The following ARGFX variants were observed in gnomAD, a reference collection of about 807,000 sequenced individuals.
ARGFX encodes the protein arginine-fifty homeobox.
In ARGFX, 10 loss-of-function variants were observed where a neutral mutation model predicts 8.0. The observed-to-expected ratio is 1.25, with a 90% CI of 0.77 to 2.12. The LOEUF is 2.12. Among genes scored for constraint, ARGFX ranks in the 30% most tolerant of loss-of-function variants. The pLI, the probability that ARGFX is intolerant of heterozygous loss-of-function variation, is 0.00. For synonymous variants in ARGFX, 116 were observed against 117.8 expected, an observed-to-expected ratio of 0.98 and a Z score of 0.10; for missense variants, 282 against 324.3, an observed-to-expected ratio of 0.87 and a Z score of 1.00.
chr3:121,580,606 A>ATATATATT (rs1227697987), intron 3 of ARGFX, among the ~76,000 whole-genome samples: 1 of 115,194 alleles, frequency 8.7e-6, no homozygotes, highest in African/African-American at 3.2e-5. Flanking sequence ...ATATATATAT[A>ATATATATT]TTTTTTTTTT....
Position 121,586,760 on chromosome 3 carries a change from A to G in ARGFX, c.*160A>G. The G allele has an allele frequency of 1.5e-6, 1 of 667,462 alleles. No individual in the cohort carries two copies. Among genetic ancestry groups the G allele is most frequent in the Non-Finnish European group, 2.5e-6 (1 of 403,580 alleles). 41.3% of individuals were successfully genotyped at this position (667,462 alleles called of 1,614,324 possible). A position where few individuals can be genotyped will look rare whatever the true frequency, so the allele number is the denominator to read the frequency against. On this transcript the variant is annotated 3_prime_UTR_variant, in exon 5 of 5. Transcript: ENST00000334384. Reference sequence around the variant, plus strand: ...AAGAGTTTTCCAAGTAGAGCTGGGCACTACGTAATCAGCCCCACAAGTCTC... The same window carrying G: ...AAGAGTTTTCCAAGTAGAGCTGGGCGCTACGTAATCAGCCCCACAAGTCTC...
At chr3:121,568,396 A>G (rs656656) in intron 1 of ARGFX, among the ~76,000 whole-genome samples, 149,262 of 152,328 alleles carry the variant, frequency 0.98, 73,197 homozygotes, top group East Asian at 1. Flanking sequence ...ATTTGTAGGA[A>G]GAAGGCAATA....
chr3:121,570,807 GC>G lies in ARGFX; in HGVS notation c.95del (p.Ala32ValfsTer38). On this transcript the variant is annotated frameshift_variant, in exon 2 of 5. Coordinates refer to ENST00000334384, the MANE Select transcript of ARGFX (RefSeq NM_001012659.2). LOFTEE classifies it high-confidence loss of function. ...GAAGGTGATACCACCACAGGATCCA[GC>G]TAGTCCCAGTGAGTATCATCCTTCT... ...NMKVIPPQDPASPSFTLLSKL... is the reference protein window; with the variant it reads ...NMKVIPPQDPXSPSFTLLSKL... 1 of 1,599,916 alleles carries G rather than the reference GC, an allele frequency of 6.3e-7. No homozygotes were observed. The highest frequency in any genetic ancestry group is 1.1e-5 in the South Asian group (1 of 88,338).
intron 2 of ARGFX, among the ~76,000 whole-genome samples, chr3:121,574,972 G>A (rs1359227636): frequency 1.3e-5 from 2 of 152,212 alleles, no homozygotes; most frequent in Non-Finnish European, 2.9e-5. Context: ...AGTCATTGCT[G>A]TTTCACACAA....
intron 1 of ARGFX, among the ~76,000 whole-genome samples, chr3:121,569,105 T>C (rs1354500367): frequency 6.6e-6 from 1 of 152,208 alleles, no homozygotes; most frequent in East Asian, 1.9e-4. Flanking sequence ...AAAAAAATTG[T>C]GAGACCAATG....
rs869249692 is a variant in ARGFX, at chr3:121,577,259, ATT to A, written c.220+371_220+372del. ...TATATATATATATATATATATATAT[ATT>A]TTTTTTTTTTTAAATGGAGTCTCAC... On this transcript the variant is annotated intron_variant, in intron 3 of 4. Coordinates refer to ENST00000334384, the MANE Select transcript of ARGFX (RefSeq NM_001012659.2). Among the ~76,000 whole-genome samples, 336 of 59,432 alleles carry A rather than the reference ATT, an allele frequency of 5.7e-3. 7 individuals carry two copies. Among genetic ancestry groups the A allele is most frequent in the Middle Eastern group, 0.025 (2 of 80 alleles). 39.0% of individuals were successfully genotyped at this position (59,432 alleles called of 152,430 possible). A position where few individuals can be genotyped will look rare whatever the true frequency, so the allele number is the denominator to read the frequency against.
chr3:121,584,719 G>A (rs1453737321), intron 3 of ARGFX, among the ~76,000 whole-genome samples, 198 bp from the exon 4 acceptor site: 4 of 152,198 alleles, frequency 2.6e-5, no homozygotes, highest in Non-Finnish European at 5.9e-5. Context: ...AGAAAGCGGA[G>A]GACAGAGCAT....
In ARGFX at chr3:121,587,525, C is replaced by T. The variant is rs527843083; in HGVS notation, c.*925C>T. The stretch of plus-strand genomic sequence containing the variant: ...TTAAAAACACTTTTTTTCAAGGAAA[C>T]CGAAGAAACCATCATCCACTTTTCT... On this transcript the variant is annotated 3_prime_UTR_variant, in exon 5 of 5. Coordinates refer to ENST00000334384, the MANE Select transcript of ARGFX (RefSeq NM_001012659.2). 9.9e-5 allele frequency among the ~76,000 whole-genome samples: 15 copies of T among 152,218 alleles called. No homozygotes were observed. The highest frequency in any genetic ancestry group is 3.4e-3 in the Middle Eastern group (1 of 294).
Position 121,586,129 on chromosome 3 carries a change from C to A in ARGFX, c.477C>A (p.Pro159=). The A allele has an allele frequency of 1.9e-6, 3 of 1,613,742 alleles. No individual in the cohort carries two copies. The highest frequency in any genetic ancestry group is 2.5e-6 in the Non-Finnish European group (3 of 1,179,914). ...CCAAGAAGAATGTGCCCACCTCCCCCAGAACATCCCCCAGTCCTTATGCTT... is the reference window on the plus strand; with the variant it reads ...CCAAGAAGAATGTGCCCACCTCCCCAAGAACATCCCCCAGTCCTTATGCTT... The part of the protein sequence containing the change: ...LPSKKNVPTS[P]RTSPSPYAFS... The change falls in exon 5 of 5, where the codon CCC becomes CCA. Residue 159 remains proline, a synonymous_variant. Transcript: ENST00000334384.
intron 3 of ARGFX, among the ~76,000 whole-genome samples, chr3:121,577,199 ATG>A (rs1160659118): frequency 9.4e-6 from 1 of 106,340 alleles, no homozygotes; most frequent in African/African-American, 3.4e-5. Flanking sequence ...GTATGTGTGT[ATG>A]TATATATATA....
At position 121,585,078 on chromosome 3, in the gene ARGFX, G is replaced by C. The variant is rs375696119; in HGVS notation, c.369+13G>C. On this transcript the variant is annotated intron_variant, in intron 4 of 4. Transcript: ENST00000334384. Reference sequence around the variant, plus strand: ...GTCAACAGTAAAGGTCTGATCCCCTGTGGTGTGCTTGGTACCCCCATCCAA... The same window carrying C: ...GTCAACAGTAAAGGTCTGATCCCCTCTGGTGTGCTTGGTACCCCCATCCAA... The C allele has an allele frequency of 1.9e-6, 3 of 1,612,900 alleles. No homozygotes were observed. The African/African-American group carries it at 4.0e-5, about 22-fold the overall frequency.
rs1409615369 is a variant in ARGFX, at chr3:121,587,521, GA to G, written c.*924del. Among the ~76,000 whole-genome samples the G allele has an allele frequency of 1.3e-5, 2 of 152,038 alleles. No individual in the cohort carries two copies. Among genetic ancestry groups the G allele is most frequent in the African/African-American group, 4.8e-5 (2 of 41,400 alleles). ...TAGTTTAAAAACACTTTTTTTCAAG[GA>G]AACCGAAGAAACCATCATCCACTTT... On this transcript the variant is annotated 3_prime_UTR_variant, in exon 5 of 5. Coordinates refer to ENST00000334384, the MANE Select transcript of ARGFX (RefSeq NM_001012659.2).
In ARGFX at chr3:121,586,623, T is replaced by A; in HGVS notation, c.*23T>A. On this transcript the variant is annotated 3_prime_UTR_variant, in exon 5 of 5. Transcript: ENST00000334384. ...TGACCAGAGTACTAATAAATATAGATCATTTAGAAAAGTGGTCTTCTTGCC... is the reference window on the plus strand; with the variant it reads ...TGACCAGAGTACTAATAAATATAGAACATTTAGAAAAGTGGTCTTCTTGCC... The A allele has an allele frequency of 1.3e-6, 2 of 1,564,962 alleles. No homozygotes were observed. The highest frequency in any genetic ancestry group is 1.7e-6 in the Non-Finnish European group (2 of 1,152,824).
At chr3:121,576,743 C>CTTTCTTTCT in intron 2 of ARGFX, 41 bp from the exon 3 acceptor site, 1 of 293,642 alleles carries the variant, frequency 3.4e-6, no homozygotes, top group Non-Finnish European at 6.6e-6. Context: ...TTCTTTCTTT[C>CTTTCTTTCT]TTTTTCTCTT....
At chr3:121,580,125 G>A (rs1031299484) in intron 3 of ARGFX, among the ~76,000 whole-genome samples, 8 of 150,866 alleles carry the variant, frequency 5.3e-5, no homozygotes, top group African/African-American at 2.0e-4. Flanking sequence ...TTTTTGTAGA[G>A]ACGGGATTTC....
intron 2 of ARGFX, 79 bp from the exon 3 acceptor site, chr3:121,576,705 C>T (rs2048738339): frequency 4.5e-6 from 1 of 223,022 alleles, no homozygotes; most frequent in Non-Finnish European, 8.2e-6. Flanking sequence ...CTCTTTCTTT[C>T]TTTTTCTTTC....
rs35928051 is a variant in ARGFX at position 121,572,236 on chromosome 3, GTTT to G, written c.103+1439_103+1441del. Among the ~76,000 whole-genome samples the G allele has an allele frequency of 6.7e-3, 862 of 128,024 alleles. 9 individuals carry two copies. Among genetic ancestry groups the G allele is most frequent in the African/African-American group, 0.024 (769 of 32,018 alleles). 84.0% of individuals were successfully genotyped at this position (128,024 alleles called of 152,430 possible). A position where few individuals can be genotyped will look rare whatever the true frequency, so the allele number is the denominator to read the frequency against. On this transcript the variant is annotated intron_variant, in intron 2 of 4. Coordinates refer to ENST00000334384, the MANE Select transcript of ARGFX (RefSeq NM_001012659.2). Reference sequence around the variant, plus strand: ...CTTTAATATTTTTATTATTATTGTTGTTTTTTTTTTTTTTTTTTTTTAAAGACG... The same window carrying G: ...CTTTAATATTTTTATTATTATTGTTGTTTTTTTTTTTTTTTTTTAAAGACG...
rs1352762661 is a variant in ARGFX at position 121,586,120 on chromosome 3, C to T, written c.468C>T (p.Pro156=). The T allele has an allele frequency of 6.2e-7, 1 of 1,612,314 alleles. No individual in the cohort carries two copies. Among genetic ancestry groups the T allele is most frequent in the Non-Finnish European group, 8.5e-7 (1 of 1,179,498 alleles). ...TCCTTCCATCCAAGAAGAATGTGCC[C>T]ACCTCCCCCAGAACATCCCCCAGTC... ...NQILPSKKNV[P]TSPRTSPSPY... Residue 156 remains proline, a synonymous_variant, in exon 5 of 5, where the codon CCC becomes CCT. Transcript: ENST00000334384.
intron 3 of ARGFX, among the ~76,000 whole-genome samples, chr3:121,584,204 G>GAGGAATCA (rs2048796984): frequency 9.6e-6 from 1 of 104,264 alleles, no homozygotes; most frequent in Non-Finnish European, 1.9e-5. Flanking sequence ...GACAGAGAGA[G>GAGGAATCA]AGGAAGGAAG....
Sources: gnomAD v4.1 joint callset for allele counts (sites outside exome capture counted in the v4.1 genomes callset) on GRCh38, gnomAD v4.1.1 for gene constraint, MANE v1.5 for transcripts, NCBI Gene and HGNC (gene_info 2026-07-23, HGNC 2026-07-21) for gene names.